LYPD6: variants seen among roughly 807,000 people sequenced by gnomAD.
The protein encoded by LYPD6 is LY6/PLAUR domain containing 6.
LYPD6 carries 15 observed loss-of-function variants against 22.7 expected under a neutral mutation model. That is an observed-to-expected ratio of 0.66 (90% CI 0.44 to 1.02). The LOEUF is 1.02. Ranked by LOEUF, LYPD6 falls within the 50% of genes least tolerant of loss-of-function variation. The pLI, the probability that LYPD6 is intolerant of heterozygous loss-of-function variation, is 0.00. For synonymous variants in LYPD6, 72 were observed against 77.5 expected (o/e 0.93, Z 0.37); for missense variants, 189 against 208.4 (o/e 0.91, Z 0.57).
At chr2:149,403,170 G>C (rs1682602302) in intron 1 of LYPD6, among the ~76,000 whole-genome samples, 1 of 152,098 alleles carries the variant, frequency 6.6e-6, no homozygotes, top group Admixed American at 6.6e-5. Flanking sequence ...TTGCTATTGT[G>C]AATAGTGCCG....
At chr2:149,389,398 A>G (rs932175358) in intron 1 of LYPD6, among the ~76,000 whole-genome samples, 2 of 152,136 alleles carry the variant, frequency 1.3e-5, no homozygotes, top group African/African-American at 4.8e-5. Flanking sequence ...TTGTGGCATA[A>G]AAACAGTCAC....
intron 1 of LYPD6, among the ~76,000 whole-genome samples, chr2:149,351,412 A>AG (rs1323573360): frequency 3.3e-5 from 5 of 151,100 alleles, no homozygotes; most frequent in East Asian, 1.9e-4. Context: ...AAAAAAAAAA[A>AG]AAAGAAAGAA....
chr2:149,456,469 T>A (rs1439058541), intron 3 of LYPD6, among the ~76,000 whole-genome samples: 1 of 152,190 alleles, frequency 6.6e-6, no homozygotes, highest in Non-Finnish European at 1.5e-5. Context: ...CCTCCCCATT[T>A]TTCCCCCTAC....
At chr2:149,351,763 C>T (rs1229081422) in intron 1 of LYPD6, among the ~76,000 whole-genome samples, 2 of 152,122 alleles carry the variant, frequency 1.3e-5, no homozygotes, top group Non-Finnish European at 1.5e-5. Flanking sequence ...CAAGGAAGGG[C>T]TGAGTGTGTG....
At chr2:149,355,126 A>G (rs906713622) in intron 1 of LYPD6, among the ~76,000 whole-genome samples, 1 of 152,190 alleles carries the variant, frequency 6.6e-6, no homozygotes, top group East Asian at 1.9e-4. Flanking sequence ...AGTTACATTA[A>G]ATGTTAGTCT....
At chr2:149,482,960 G>A in the LYPD6 span, among the ~76,000 whole-genome samples, 1 of 152,194 alleles carries the variant, frequency 6.6e-6, no homozygotes, top group African/African-American at 2.4e-5. Flanking sequence ...ACCAGAGGAA[G>A]CCATGGCCAA....
rs116053077 is a variant in LYPD6, at chr2:149,349,409, C to T, written c.-72+18687C>T. Among the ~76,000 whole-genome samples the T allele has an allele frequency of 7.6e-3, 1,149 of 152,110 alleles. 10 individuals are homozygous for T. The highest frequency in any genetic ancestry group is 0.027 in the African/African-American group (1,104 of 41,466). On this transcript the variant is annotated intron_variant, in intron 1 of 4. Coordinates refer to ENST00000334166, the MANE Select transcript of LYPD6 (RefSeq NM_194317.5). ...TGAAAAGTGTGGGACTTGGACTGGT[C>T]CTTGCAAGTGGTTAGGATTTGGAGG...
chr2:149,349,268 A>T (rs1456621277), intron 1 of LYPD6, among the ~76,000 whole-genome samples: 2 of 152,188 alleles, frequency 1.3e-5, no homozygotes, highest in African/African-American at 4.8e-5. Flanking sequence ...AGATGAGATC[A>T]GTCTGTCAGA....
At chr2:149,434,763 C>T (rs1013442486) in intron 1 of LYPD6, among the ~76,000 whole-genome samples, 3 of 152,120 alleles carry the variant, frequency 2.0e-5, no homozygotes, top group Non-Finnish European at 4.4e-5. Flanking sequence ...TAAGGATAAT[C>T]ACGGCAAGTT....
At chr2:149,348,947 A>G (rs367641835) in intron 1 of LYPD6, among the ~76,000 whole-genome samples, 14 of 152,074 alleles carry the variant, frequency 9.2e-5, no homozygotes, top group African/African-American at 2.4e-4. Flanking sequence ...TCAGAAGGAT[A>G]GGATGTGGAG....
rs145718638 is a variant in LYPD6 at position 149,418,454 on chromosome 2, T to C, written c.-71-19184T>C. 6.5e-4 allele frequency among the ~76,000 whole-genome samples: 99 copies of C among 152,286 alleles called. No homozygotes were observed. In the South Asian group the frequency reaches 7.5e-3, roughly 11 times the overall value. Reference sequence around the variant, plus strand: ...CCCTGAAATGAGTAATAATAAGAAGTTGAAATGGGGGACATGGCCCTTTAA... The same window carrying C: ...CCCTGAAATGAGTAATAATAAGAAGCTGAAATGGGGGACATGGCCCTTTAA... On this transcript the variant is annotated intron_variant, in intron 1 of 4. Coordinates refer to ENST00000334166, the MANE Select transcript of LYPD6 (RefSeq NM_194317.5).
intron 1 of LYPD6, among the ~76,000 whole-genome samples, chr2:149,404,094 C>G (rs1682632356): frequency 6.6e-6 from 1 of 152,080 alleles, no homozygotes; most frequent in Non-Finnish European, 1.5e-5. Flanking sequence ...TGATCTATAT[C>G]TCTGTTTTGG....
intron 1 of LYPD6, among the ~76,000 whole-genome samples, chr2:149,338,516 T>A (rs770847634): frequency 2.0e-5 from 3 of 152,144 alleles, no homozygotes; most frequent in Non-Finnish European, 2.9e-5. Flanking sequence ...TGAGTGGGAT[T>A]AGTGCCTTTA....
At chr2:149,425,320 A>G (rs1490329597) in intron 1 of LYPD6, among the ~76,000 whole-genome samples, 1 of 152,246 alleles carries the variant, frequency 6.6e-6, no homozygotes, top group Non-Finnish European at 1.5e-5. Flanking sequence ...TTTAAGAATA[A>G]CATTAATGAT....
At chr2:149,418,467 C>T (rs1027888184) in intron 1 of LYPD6, among the ~76,000 whole-genome samples, 1 of 150,728 alleles carries the variant, frequency 6.6e-6, no homozygotes, top group East Asian at 1.9e-4. Context: ...AAATGGGGGA[C>T]ATGGCCCTTT....
chr2:149,345,102 C>T (rs979028739), intron 1 of LYPD6, among the ~76,000 whole-genome samples: 1 of 151,918 alleles, frequency 6.6e-6, no homozygotes, highest in African/African-American at 2.4e-5. Context: ...TGAGACACCC[C>T]CCGACCCCAT....
At chr2:149,452,506 A>C (rs1168015771) in intron 3 of LYPD6, among the ~76,000 whole-genome samples, 1 of 152,240 alleles carries the variant, frequency 6.6e-6, no homozygotes, top group Non-Finnish European at 1.5e-5. Flanking sequence ...TAGGAAGGGC[A>C]ACTGAGACAC....
At chr2:149,429,080 C>T (rs571967836) in intron 1 of LYPD6, among the ~76,000 whole-genome samples, 3 of 152,124 alleles carry the variant, frequency 2.0e-5, no homozygotes, top group African/African-American at 7.2e-5. Flanking sequence ...CTAGGTTTTC[C>T]TGTGGGAAAC....
At chr2:149,460,869 C>A (rs1196649) in intron 3 of LYPD6, among the ~76,000 whole-genome samples, 89,638 of 151,864 alleles carry the variant, frequency 0.59, 27,998 homozygotes, top group East Asian at 0.85. Flanking sequence ...CTAAACAGTG[C>A]ACATCTAAAT....
Sources: allele counts gnomAD v4.1 joint callset (sites outside exome capture counted in the v4.1 genomes callset), GRCh38; gene constraint gnomAD v4.1.1; transcripts MANE v1.5; gene names NCBI Gene and HGNC (gene_info 2026-07-23, HGNC 2026-07-21).